YIF1B: variants seen among roughly 807,000 people sequenced by gnomAD.
The protein encoded by YIF1B is protein YIF1B.
A neutral mutation model predicts 34.6 loss-of-function variants in YIF1B; 24 were observed. The ratio of observed to expected loss-of-function variants is 0.69; its 90% confidence interval spans 0.50 to 0.98. The LOEUF (loss-of-function observed/expected upper bound fraction) is 0.98, where lower values mean the gene tolerates loss of function less well. YIF1B is among the 50% of genes least tolerant of loss of function. The pLI, the probability that YIF1B is intolerant of heterozygous loss-of-function variation, is 0.00. For missense variants in YIF1B, 368 were observed against 429.4 expected (o/e 0.86, Z 1.26); for synonymous variants, 186 against 184.8 (o/e 1.01, Z -0.05).
chr19:38,308,969 A>G lies in YIF1B; in HGVS notation c.481+10T>C. The G allele has an allele frequency of 6.2e-7, 1 of 1,605,418 alleles. No homozygotes were observed. Among genetic ancestry groups the G allele is most frequent in the South Asian group, 1.1e-5 (1 of 90,566 alleles). ...AGAGAGGAGGGTGCAGGGTAGGGGG[A>G]GGGTGAAACCTGGAATGTAGAGGTC... On this transcript the variant is annotated intron_variant, in intron 4 of 7. Transcript: ENST00000339413.
upstream of YIF1B, among the ~76,000 whole-genome samples, chr19:38,318,882 G>T (rs58490212): frequency 6.6e-6 from 1 of 152,100 alleles, no homozygotes; most frequent in African/African-American, 2.4e-5. Context: ...ACGGGGGGGC[G>T]CAGAAAGAAA....
intron 1 of YIF1B, 163 bp downstream of exon 1, chr19:38,315,696 GC>G (rs745395346): frequency 2.4e-5 from 38 of 1,605,440 alleles, no homozygotes; most frequent in Non-Finnish European, 1.7e-6. Context: ...CTAAAGAATC[GC>G]CCCCCAAGGG....
At chr19:38,310,401 A>C (rs1421848989) in intron 1 of YIF1B, among the ~76,000 whole-genome samples, 1 of 149,640 alleles carries the variant, frequency 6.7e-6, no homozygotes, top group Non-Finnish European at 1.5e-5. Flanking sequence ...CTTTCCATCT[A>C]TCCATCCATC....
intron 1 of YIF1B, among the ~76,000 whole-genome samples, chr19:38,314,655 GC>G (rs923287037): frequency 5.3e-4 from 61 of 114,398 alleles, no homozygotes; most frequent in African/African-American, 2.0e-3. Context: ...GCGAAGTCTT[GC>G]TCTGTCGCCC....
chr19:38,319,766 TCA>T (rs1196327720), upstream of YIF1B: 5 of 610,432 alleles, frequency 8.2e-6, no homozygotes, highest in Non-Finnish European at 1.3e-5. Flanking sequence ...TGGGCGTGCC[TCA>T]GTTTCCCGGA....
At chr19:38,320,143 C>G (rs1217751098), upstream of YIF1B, 1 of 1,592,998 alleles carries the variant, frequency 6.3e-7, no homozygotes, top group Non-Finnish European at 8.5e-7. Context: ...CTTCGTGGAG[C>G]GAGTGCTGGC....
In YIF1B at chr19:38,305,327, G is replaced by T; in HGVS notation, c.*25C>A. On this transcript the variant is annotated 3_prime_UTR_variant, in exon 8 of 8. Transcript: ENST00000339413. ...ACAGTGGCCCCCAGCAGCAGCAGCAGCAGCGGGAGGTTCAGCGGGCGCGCT... is the reference window on the plus strand; with the variant it reads ...ACAGTGGCCCCCAGCAGCAGCAGCATCAGCGGGAGGTTCAGCGGGCGCGCT... The T allele has an allele frequency of 6.3e-7, 1 of 1,591,778 alleles. No homozygotes were observed.
intron 7 of YIF1B, among the ~76,000 whole-genome samples, chr19:38,306,344 T>TG (rs1290102191): frequency 1.3e-5 from 2 of 151,784 alleles, no homozygotes; most frequent in African/African-American, 4.8e-5. Context: ...CCTGAGTAGC[T>TG]GGGACTACAG....
In YIF1B at chr19:38,308,650, C is replaced by T. The variant is rs1969168257; in HGVS notation, c.539+142G>A. ...GGCGAGGGTGATGCTGACAGTGACC[C>T]TGAGGGCTGTATCTTGGGCCAACTG... On this transcript the variant is annotated intron_variant, in intron 5 of 7. Transcript: ENST00000339413. 8 of 961,986 alleles carry T rather than the reference C, an allele frequency of 8.3e-6. No homozygotes were observed. The East Asian group carries it at 1.9e-4, about 23-fold the overall frequency. 59.6% of individuals were successfully genotyped at this position (961,986 alleles called of 1,614,324 possible).
rs527437653 is a variant in YIF1B, at chr19:38,309,493, G to A, written c.209C>T (p.Ala70Val). ...SYPAASPTPH[A>V]AFLADPVSNM... Reference sequence around the variant, plus strand: ...GGACACCGGGTCAGCCAGGAAGGCTGCATGGGGCGTGGGAGAGGCTGCAGG... The same window carrying A: ...GGACACCGGGTCAGCCAGGAAGGCTACATGGGGCGTGGGAGAGGCTGCAGG... Residue 70 changes from alanine (A) to valine (V), a missense_variant, in exon 2 of 8, where the codon GCA becomes GTA. Ala to Val is a moderately conservative substitution (Grantham distance 64). Coordinates refer to ENST00000339413, the MANE Select transcript of YIF1B (RefSeq NM_001039672.3). 6.2e-7 allele frequency: 1 copy of A among 1,613,582 alleles called. No homozygotes were observed. The highest frequency in any genetic ancestry group is 1.1e-5 in the South Asian group (1 of 91,032).
Position 38,304,794 on chromosome 19 carries a change from T to G in YIF1B, c.*558A>C. ...GCGGGGAGTGGTCCCCCTGTCTCGC[T>G]TCCAGCCCAGAACCATCTCTTCTCT... On this transcript the variant is annotated 3_prime_UTR_variant, in exon 8 of 8. Transcript: ENST00000339413. 1.2e-6 allele frequency: 2 copies of G among 1,613,112 alleles called. No individual in the cohort carries two copies. Among genetic ancestry groups the G allele is most frequent in the Non-Finnish European group, 1.7e-6 (2 of 1,179,612 alleles).
chr19:38,304,319 G>A lies in YIF1B; in HGVS notation c.*1033C>T, dbSNP rs1968886318. On this transcript the variant is annotated 3_prime_UTR_variant, in exon 8 of 8. Coordinates refer to ENST00000339413, the MANE Select transcript of YIF1B (RefSeq NM_001039672.3). ...GGGGAGTGTGGACTGGAGGTGCAGG[G>A]GGCCGGACTCAAGCCCAGAAGCTGC... The A allele has an allele frequency of 6.2e-7, 1 of 1,613,212 alleles. No homozygotes were observed. The highest frequency in any genetic ancestry group is 1.7e-5 in the Admixed American group (1 of 59,954).
intron 1 of YIF1B, among the ~76,000 whole-genome samples, chr19:38,312,579 A>T (rs916571147): frequency 6.6e-6 from 1 of 152,178 alleles, no homozygotes; most frequent in Non-Finnish European, 1.5e-5. Flanking sequence ...AACCAATGCT[A>T]CCCTGCAAAT....
intron 1 of YIF1B, among the ~76,000 whole-genome samples, chr19:38,314,897 G>A (rs1969481408): frequency 6.6e-6 from 1 of 151,930 alleles, no homozygotes; most frequent in South Asian, 2.1e-4. Flanking sequence ...ATAGGTGTAG[G>A]CCAGCACGCC....
Position 38,304,521 on chromosome 19 carries a change from G to T in YIF1B, c.*831C>A, listed in dbSNP as rs1351078165. On this transcript the variant is annotated 3_prime_UTR_variant, in exon 8 of 8. Coordinates refer to ENST00000339413, the MANE Select transcript of YIF1B (RefSeq NM_001039672.3). ...TCGCCTCATCACCGGCTGCGGAGGG[G>T]CGGGAAGGCTGGGGTTGCCCCTGAC... The T allele has an allele frequency of 6.4e-7, 1 of 1,567,402 alleles. No homozygotes were observed. Among genetic ancestry groups the T allele is most frequent in the East Asian group, 2.4e-5 (1 of 42,378 alleles).
chr19:38,305,297 CG>C lies in YIF1B; in HGVS notation c.*54del. ...GCCTGCAGGCAGGAGATGAGTTCGG[CG>C]GCCACAGTGGCCCCCAGCAGCAGCA... is the stretch of plus-strand genomic sequence containing the variant. On this transcript the variant is annotated 3_prime_UTR_variant, in exon 8 of 8. Transcript: ENST00000339413. 1 of 1,569,446 alleles carries C rather than the reference CG, an allele frequency of 6.4e-7. No homozygotes were observed. The highest frequency in any genetic ancestry group is 1.2e-5 in the South Asian group (1 of 86,254).
At chr19:38,319,901 G>T (rs1216627127), upstream of YIF1B, 9 of 1,362,460 alleles carry the variant, frequency 6.6e-6, no homozygotes, top group Admixed American at 4.0e-5. Flanking sequence ...CCGGAGGCGG[G>T]GGCCACGTCA....
intron 7 of YIF1B, 170 bp downstream of exon 7, chr19:38,307,258 C>G (rs1254414026): frequency 1.0e-5 from 7 of 670,168 alleles, no homozygotes; most frequent in Non-Finnish European, 1.6e-5. Context: ...CAGGATACCC[C>G]CTCTTCCAGG....
chr19:38,315,985 C>T (rs976391453), upstream of YIF1B: 4 of 1,366,742 alleles, frequency 2.9e-6, no homozygotes, highest in Admixed American at 3.9e-5. Context: ...CACGCCCCGC[C>T]GGCGAAGAGA....
Sources: allele counts gnomAD v4.1 joint callset (sites outside exome capture counted in the v4.1 genomes callset), GRCh38; gene constraint gnomAD v4.1.1; transcripts MANE v1.5; gene names NCBI Gene and HGNC (gene_info 2026-07-23, HGNC 2026-07-21).